MEGF10: variants seen among roughly 807,000 people sequenced by gnomAD.
MEGF10 encodes multiple epidermal growth factor-like domains protein 10.
A neutral mutation model predicts 147.5 loss-of-function variants in MEGF10; 86 were observed. The observed-to-expected ratio is 0.58, with a 90% CI of 0.49 to 0.70. MEGF10 has a LOEUF of 0.70. Ranked by LOEUF, MEGF10 falls within the 30% of genes least tolerant of loss-of-function variation. The probability of loss-of-function intolerance (pLI) is 0.00; values close to 1 mark genes in which losing one functional copy is unlikely to be tolerated. For synonymous variants in MEGF10, 478 were observed against 525.5 expected (o/e 0.91, Z 1.24); for missense variants, 1,329 against 1,487.3 (o/e 0.89, Z 1.75).
the MEGF10 span, among the ~76,000 whole-genome samples, chr5:127,247,435 A>G: frequency 0.16 from 10,149 of 64,522 alleles, 3,095 homozygotes; most frequent in Middle Eastern, 0.35. Flanking sequence ...GAAGAAGAAG[A>G]AGAAGAAGAA....
In MEGF10 at chr5:127,403,652, G is replaced by A. The variant is rs550644525; in HGVS notation, c.917+970G>A. Among the ~76,000 whole-genome samples, 20 of 152,122 alleles carry A rather than the reference G, an allele frequency of 1.3e-4. No individual in the cohort carries two copies. In the South Asian group the frequency reaches 4.0e-3, roughly 30 times the overall value. ...ACTCTCTGTGTCCATGAGTTCAATTGTTTTGATTTTTAGATCCCACAAATA... is the reference window on the plus strand; with the variant it reads ...ACTCTCTGTGTCCATGAGTTCAATTATTTTGATTTTTAGATCCCACAAATA... On this transcript the variant is annotated intron_variant, in intron 8 of 24. Transcript: ENST00000503335.
chr5:127,455,758 T>A, intron 24 of MEGF10, 151 bp downstream of exon 24: 7 of 662,268 alleles, frequency 1.1e-5, no homozygotes, highest in East Asian at 6.4e-5. Flanking sequence ...TTATGTATTT[T>A]TTGAGATGGG....
the MEGF10 span, among the ~76,000 whole-genome samples, chr5:127,242,506 G>T: frequency 6.6e-6 from 1 of 152,158 alleles, no homozygotes; most frequent in African/African-American, 2.4e-5. Flanking sequence ...GTTTGTATAA[G>T]TTCGGATCTT....
intron 1 of MEGF10, among the ~76,000 whole-genome samples, chr5:127,293,808 C>T (rs1451801076): frequency 6.6e-6 from 1 of 152,216 alleles, no homozygotes; most frequent in Non-Finnish European, 1.5e-5. Flanking sequence ...ATTTTGAGAT[C>T]TCCAGGTGAA....
chr5:127,343,838 G>A (rs1254480606), intron 4 of MEGF10, among the ~76,000 whole-genome samples: 1 of 152,038 alleles, frequency 6.6e-6, no homozygotes, highest in Non-Finnish European at 1.5e-5. Context: ...TGAAGAGTGG[G>A]CTGCCAGTTC....
the MEGF10 span, among the ~76,000 whole-genome samples, chr5:127,277,712 A>G: frequency 1.3e-5 from 2 of 152,182 alleles, no homozygotes; most frequent in Non-Finnish European, 2.9e-5. Flanking sequence ...GTAATGATGA[A>G]GGTCTGGAGT....
At chr5:127,270,300 G>A in the MEGF10 span, among the ~76,000 whole-genome samples, 6 of 152,156 alleles carry the variant, frequency 3.9e-5, no homozygotes, top group Admixed American at 6.5e-5. Flanking sequence ...ATTGGATAAA[G>A]AGTCAAGACC....
chr5:127,417,887 C>T, intron 10 of MEGF10, 75 bp downstream of exon 10: 1 of 1,453,940 alleles, frequency 6.9e-7, no homozygotes, highest in South Asian at 1.3e-5. Flanking sequence ...ATTTATATGA[C>T]CTCCAGTGAA....
At chr5:127,453,788 CTTATT>C (rs1260721547) in intron 22 of MEGF10, among the ~76,000 whole-genome samples, 4 of 152,134 alleles carry the variant, frequency 2.6e-5, no homozygotes, top group African/African-American at 9.7e-5. Context: ...GTAATGTCGT[CTTATT>C]TTGTTTTTAG....
At chr5:127,325,229 G>A (rs1045973112) in intron 1 of MEGF10, among the ~76,000 whole-genome samples, 5 of 152,098 alleles carry the variant, frequency 3.3e-5, no homozygotes, top group African/African-American at 9.7e-5. Flanking sequence ...ACTCTGGCAA[G>A]TCATCTCTAA....
At chr5:127,451,219 C>T (rs1244715803) in intron 22 of MEGF10, among the ~76,000 whole-genome samples, 4 of 152,204 alleles carry the variant, frequency 2.6e-5, no homozygotes, top group Non-Finnish European at 1.5e-5. Context: ...TCTGACTGCT[C>T]CCCTTAAACA....
At chr5:127,309,453 T>C (rs1760163148) in intron 1 of MEGF10, among the ~76,000 whole-genome samples, 1 of 152,192 alleles carries the variant, frequency 6.6e-6, no homozygotes, top group South Asian at 2.1e-4. Context: ...CATTTTCCTC[T>C]TACTCCAGCC....
Position 127,426,438 on chromosome 5 carries a change from T to A in MEGF10, c.1693+3666T>A, listed in dbSNP as rs80274527. Among the ~76,000 whole-genome samples the A allele has an allele frequency of 2.0e-5, 3 of 152,334 alleles. No individual in the cohort carries two copies. In the East Asian group the frequency reaches 5.8e-4, roughly 29 times the overall value. The stretch of plus-strand genomic sequence containing the variant: ...GTGGTTATTTAAAACCTTAATTTAT[T>A]GTCATTTTTAGCCAATACACTATTT... On this transcript the variant is annotated intron_variant, in intron 13 of 24. Coordinates refer to ENST00000503335, the MANE Select transcript of MEGF10 (RefSeq NM_001256545.2).
At chr5:127,397,148 A>G (rs188104548) in intron 6 of MEGF10, among the ~76,000 whole-genome samples, 2 of 152,258 alleles carry the variant, frequency 1.3e-5, no homozygotes, top group African/African-American at 4.8e-5. Flanking sequence ...CTGGTTGTTA[A>G]TGGTCCATGT....
chr5:127,256,982 G>A, the MEGF10 span, among the ~76,000 whole-genome samples: 3 of 152,286 alleles, frequency 2.0e-5, no homozygotes, highest in East Asian at 5.8e-4. Flanking sequence ...GAGATGGGGA[G>A]TAGGGTATAG....
the MEGF10 span, among the ~76,000 whole-genome samples, chr5:127,254,034 TTTCTAGC>T: frequency 6.6e-6 from 1 of 152,150 alleles, no homozygotes; most frequent in Non-Finnish European, 1.5e-5. Flanking sequence ...AGCTTTGCAC[TTTCTAGC>T]TTCTGATTCC....
chr5:127,297,411 A>G (rs1471126952), intron 1 of MEGF10, among the ~76,000 whole-genome samples: 1 of 152,142 alleles, frequency 6.6e-6, no homozygotes, highest in Non-Finnish European at 1.5e-5. Flanking sequence ...ACCCATAAAT[A>G]TATACATCTA....
intron 8 of MEGF10, among the ~76,000 whole-genome samples, chr5:127,408,667 T>A (rs986633875): frequency 3.9e-5 from 6 of 152,220 alleles, no homozygotes; most frequent in Non-Finnish European, 7.3e-5. Flanking sequence ...TTGAAGGTTT[T>A]ACCTGTTAAC....
intron 18 of MEGF10, 62 bp from the exon 19 acceptor site, chr5:127,442,936 C>T: frequency 6.4e-7 from 1 of 1,555,634 alleles, no homozygotes; most frequent in Non-Finnish European, 8.7e-7. Flanking sequence ...GGCTTGCAGT[C>T]AGAGACAGCC....
Sources: gnomAD v4.1 joint callset for allele counts (sites outside exome capture counted in the v4.1 genomes callset) on GRCh38, gnomAD v4.1.1 for gene constraint, MANE v1.5 for transcripts, NCBI Gene and HGNC (gene_info 2026-07-23, HGNC 2026-07-21) for gene names.